PTPN4: variants seen among roughly 807,000 people sequenced by gnomAD.
The protein encoded by PTPN4 is tyrosine-protein phosphatase non-receptor type 4.
A neutral mutation model predicts 135.5 loss-of-function variants in PTPN4; 49 were observed. The ratio of observed to expected loss-of-function variants is 0.36; its 90% CI spans 0.29 to 0.46. The LOEUF (loss-of-function observed/expected upper bound fraction) is 0.46, where lower values mean the gene tolerates loss of function less well. PTPN4 is among the 20% of genes least tolerant of loss of function. The probability of loss-of-function intolerance (pLI) is 1.00; values close to 1 mark genes in which losing one functional copy is unlikely to be tolerated. For missense variants in PTPN4, 860 were observed against 1,101.0 expected, an observed-to-expected ratio of 0.78 and a Z score of 3.10; for synonymous variants, 333 against 369.9, an observed-to-expected ratio of 0.90 and a Z score of 1.14.
At chr2:119,893,634 A>G (rs370518951) in intron 9 of PTPN4, among the ~76,000 whole-genome samples, 19 of 152,302 alleles carry the variant, frequency 1.2e-4, no homozygotes, top group African/African-American at 4.3e-4. Context: ...AGAACACTTC[A>G]ATGTTTAGAA....
chr2:119,970,676 A>G (rs894868467), intron 26 of PTPN4, among the ~76,000 whole-genome samples: 2 of 152,084 alleles, frequency 1.3e-5, no homozygotes, highest in Non-Finnish European at 1.5e-5. Context: ...CATTGTGTAT[A>G]TTTTTACCAC....
chr2:119,941,415 G>GTGTA (rs2105044526), intron 15 of PTPN4, among the ~76,000 whole-genome samples: 1 of 143,606 alleles, frequency 7.0e-6, no homozygotes, highest in East Asian at 1.9e-4. Context: ...ACTTCAGAGT[G>GTGTA]TGTGTGTGTG....
intron 3 of PTPN4, among the ~76,000 whole-genome samples, chr2:119,870,156 G>A (rs1335863720): frequency 6.6e-6 from 1 of 152,088 alleles, no homozygotes; most frequent in Non-Finnish European, 1.5e-5. Flanking sequence ...ATTATAACTG[G>A]TAAGACTTAG....
intron 15 of PTPN4, among the ~76,000 whole-genome samples, chr2:119,940,171 C>A (rs1185460814): frequency 6.6e-6 from 1 of 152,184 alleles, no homozygotes; most frequent in Non-Finnish European, 1.5e-5. Flanking sequence ...CAGTTCTATT[C>A]TTAGATATTA....
intron 1 of PTPN4, among the ~76,000 whole-genome samples, chr2:119,808,861 G>C (rs1338371817): frequency 1.3e-5 from 2 of 152,122 alleles, no homozygotes; most frequent in African/African-American, 4.8e-5. Flanking sequence ...TGAATAATCT[G>C]TGAGAGATCA....
intron 13 of PTPN4, chr2:119,932,151 C>A: frequency 4.8e-6 from 1 of 208,056 alleles, no homozygotes. Flanking sequence ...TTACCTTTGT[C>A]CTTCCTTTTC....
At chr2:119,973,668 T>TG (rs1449812919) in intron 26 of PTPN4, among the ~76,000 whole-genome samples, 2 of 138,660 alleles carry the variant, frequency 1.4e-5, no homozygotes, top group African/African-American at 5.6e-5. Flanking sequence ...TTTTTTTTTT[T>TG]TTTTTTTTTT....
chr2:119,894,807 TC>T (rs1305106992), intron 9 of PTPN4, among the ~76,000 whole-genome samples: 1 of 152,148 alleles, frequency 6.6e-6, no homozygotes, highest in Non-Finnish European at 1.5e-5. Context: ...ATATAGGTGA[TC>T]AATATTATGC....
chr2:119,796,743 G>T (rs183858042), intron 1 of PTPN4, among the ~76,000 whole-genome samples: 5 of 152,246 alleles, frequency 3.3e-5, no homozygotes, highest in Admixed American at 2.0e-4. Flanking sequence ...GTTCAATTTT[G>T]TAAGAAAGTG....
At chr2:119,925,918 G>A (rs887496888) in intron 12 of PTPN4, among the ~76,000 whole-genome samples, 1 of 152,040 alleles carries the variant, frequency 6.6e-6, no homozygotes, top group Non-Finnish European at 1.5e-5. Context: ...TATTTTCTTA[G>A]GAAAATTCAA....
chr2:119,973,659 T>G (rs981393438), intron 26 of PTPN4, among the ~76,000 whole-genome samples: 7 of 82,726 alleles, frequency 8.5e-5, no homozygotes, highest in East Asian at 3.0e-4. Flanking sequence ...TTTCTTGTTT[T>G]TTTTTTTTTT....
intron 12 of PTPN4, among the ~76,000 whole-genome samples, chr2:119,924,808 A>C (rs552837964): frequency 2.9e-4 from 44 of 152,266 alleles, no homozygotes; most frequent in Admixed American, 2.9e-3. Flanking sequence ...CTGGAAAATT[A>C]AGGTATCAGT....
At chr2:119,940,957 A>G (rs1243084519) in intron 15 of PTPN4, among the ~76,000 whole-genome samples, 1 of 152,136 alleles carries the variant, frequency 6.6e-6, no homozygotes, top group Non-Finnish European at 1.5e-5. Flanking sequence ...CCTTAAAGCC[A>G]GTAAATGCTG....
chr2:119,845,498 A>G (rs1027566430), intron 2 of PTPN4, among the ~76,000 whole-genome samples: 1 of 152,202 alleles, frequency 6.6e-6, no homozygotes. Flanking sequence ...TACATTATCT[A>G]TCGGCATACA....
chr2:119,899,376 CT>C (rs928600288), intron 9 of PTPN4, among the ~76,000 whole-genome samples: 1 of 152,064 alleles, frequency 6.6e-6, no homozygotes, highest in Non-Finnish European at 1.5e-5. Flanking sequence ...CTGAAAATTT[CT>C]TTTCTGTTTT....
At chr2:119,773,389 G>GA (rs1366028545) in intron 1 of PTPN4, among the ~76,000 whole-genome samples, 2 of 151,708 alleles carry the variant, frequency 1.3e-5, no homozygotes, top group African/African-American at 4.8e-5. Context: ...GGGACGATTT[G>GA]AAAAAAACAC....
At chr2:119,932,228 A>T (rs1678917342) in intron 13 of PTPN4, 196 bp from the exon 14 acceptor site, 1 of 406,798 alleles carries the variant, frequency 2.5e-6, no homozygotes, top group Non-Finnish European at 4.3e-6. Flanking sequence ...TCTTACCTTT[A>T]TTCTTCATAT....
intron 9 of PTPN4, among the ~76,000 whole-genome samples, chr2:119,895,942 C>T (rs980719863): frequency 6.6e-6 from 1 of 150,548 alleles, no homozygotes; most frequent in Non-Finnish European, 1.5e-5. Flanking sequence ...GAGGGGATAG[C>T]GGTCTATACA....
intron 2 of PTPN4, among the ~76,000 whole-genome samples, chr2:119,829,838 G>A (rs1359101534): frequency 1.5e-4 from 23 of 152,126 alleles, no homozygotes; most frequent in Non-Finnish European, 2.9e-4. Context: ...TACCTAGGAG[G>A]AGCATTTCTG....
Sources: allele counts gnomAD v4.1 joint callset (sites outside exome capture counted in the v4.1 genomes callset), GRCh38; gene constraint gnomAD v4.1.1; transcripts MANE v1.5; gene names NCBI Gene and HGNC (gene_info 2026-07-23, HGNC 2026-07-21).